Variants in DGKI observed in about 807,000 individuals in gnomAD.
DGKI encodes DAG kinase iota.
DGKI carries 55 observed loss-of-function variants against 147.5 expected under a neutral mutation model. That is an observed-to-expected ratio of 0.37 (90% CI 0.30 to 0.47). The LOEUF is 0.47. Among genes scored for constraint, DGKI ranks in the 20% least tolerant of loss-of-function variants. The pLI is 1.00. For missense variants in DGKI, 1,007 were observed against 1,323.8 expected, an observed-to-expected ratio of 0.76 and a Z score of 3.71; for synonymous variants, 469 against 477.1, an observed-to-expected ratio of 0.98 and a Z score of 0.22.
intron 1 of DGKI, among the ~76,000 whole-genome samples, chr7:137,827,071 C>G (rs564625389): frequency 6.6e-6 from 1 of 152,236 alleles, no homozygotes; most frequent in African/African-American, 2.4e-5. Context: ...GGTCCCCCTT[C>G]CTTCTTCATG....
chr7:137,842,197 G>A (rs935778272), intron 1 of DGKI, among the ~76,000 whole-genome samples: 1 of 152,124 alleles, frequency 6.6e-6, no homozygotes, highest in Admixed American at 6.5e-5. Flanking sequence ...TGATATTCAG[G>A]AGAAAAGTTC....
chr7:137,660,110 G>T (rs554206796), intron 3 of DGKI, among the ~76,000 whole-genome samples: 4 of 152,240 alleles, frequency 2.6e-5, no homozygotes, highest in Non-Finnish European at 5.9e-5. Flanking sequence ...AAGGCCAGTT[G>T]AGCTTACTGC....
At chr7:137,811,364 CCT>C (rs879359264) in intron 1 of DGKI, among the ~76,000 whole-genome samples, 160 of 137,800 alleles carry the variant, frequency 1.2e-3, no homozygotes, top group East Asian at 2.1e-3. Context: ...TCTCTCTCTC[CCT>C]CTCTCTCTCT....
At chr7:137,707,819 G>C (rs1456536638) in intron 1 of DGKI, among the ~76,000 whole-genome samples, 1 of 152,188 alleles carries the variant, frequency 6.6e-6, no homozygotes, top group East Asian at 1.9e-4. Flanking sequence ...AGCAAAGTGA[G>C]AACAGACTAA....
At chr7:137,828,060 C>T (rs1264561012) in intron 1 of DGKI, among the ~76,000 whole-genome samples, 7 of 152,184 alleles carry the variant, frequency 4.6e-5, no homozygotes, top group Non-Finnish European at 7.3e-5. Flanking sequence ...GCTGACCGCC[C>T]GCTCTCTTTG....
chr7:137,434,545 C>A (rs2128912934), intron 28 of DGKI, among the ~76,000 whole-genome samples: 1 of 152,316 alleles, frequency 6.6e-6, no homozygotes, highest in South Asian at 2.1e-4. Context: ...TGTGCCACTG[C>A]ACTCCAGCCT....
intron 1 of DGKI, among the ~76,000 whole-genome samples, chr7:137,691,567 G>C (rs992813898): frequency 3.9e-5 from 6 of 152,262 alleles, no homozygotes; most frequent in African/African-American, 1.4e-4. Flanking sequence ...GAAGGAATAG[G>C]AACAGAATTT....
chr7:137,381,312 C>T lies in DGKI; in HGVS notation c.*9908G>A, dbSNP rs1291548740. 1 of 126,790 alleles carries T rather than the reference C, an allele frequency of 7.9e-6. No homozygotes were observed. Among genetic ancestry groups the T allele is most frequent in the Non-Finnish European group, 1.7e-5 (1 of 60,216 alleles). The allele number at this position is 126,790 out of a possible 1,614,324, so 7.9% of individuals were successfully genotyped here. A position where few individuals can be genotyped will look rare whatever the true frequency, so the allele number is the denominator to read the frequency against. ...CACCCCCCCCCCCCCACCCACCCTC[C>T]CTCCACTTCGTATTATCTGAATCCT... On this transcript the variant is annotated 3_prime_UTR_variant, in exon 33 of 33. Coordinates refer to ENST00000614521, the MANE Select transcript of DGKI (RefSeq NM_001321708.2).
At chr7:137,412,805 T>C (rs1474261842) in intron 28 of DGKI, among the ~76,000 whole-genome samples, 1 of 152,210 alleles carries the variant, frequency 6.6e-6, no homozygotes, top group African/African-American at 2.4e-5. Flanking sequence ...TCTATTTTAA[T>C]TGTGTGCTTG....
chr7:137,492,102 A>G (rs976901283), intron 21 of DGKI, among the ~76,000 whole-genome samples: 1 of 152,220 alleles, frequency 6.6e-6, no homozygotes, highest in Admixed American at 6.5e-5. Flanking sequence ...CATTCCCAAG[A>G]AACAGTTCAC....
chr7:137,677,970 T>G (rs191900121), intron 3 of DGKI, among the ~76,000 whole-genome samples: 1 of 152,336 alleles, frequency 6.6e-6, no homozygotes, highest in East Asian at 1.9e-4. Flanking sequence ...ACCCTCTAAA[T>G]AGATTGTTCT....
intron 6 of DGKI, among the ~76,000 whole-genome samples, chr7:137,645,134 T>C (rs917045359): frequency 1.3e-5 from 2 of 152,234 alleles, no homozygotes; most frequent in Admixed American, 6.5e-5. Context: ...CTCAAACCCA[T>C]TGATTTGCTG....
At chr7:137,722,526 C>T in intron 1 of DGKI, 1 of 1,608,780 alleles carries the variant, frequency 6.2e-7, no homozygotes, top group Admixed American at 1.7e-5. Flanking sequence ...GACCTCTGGT[C>T]CTCAATCGAG....
chr7:137,809,568 T>C (rs1186760234), intron 1 of DGKI, among the ~76,000 whole-genome samples: 1 of 152,184 alleles, frequency 6.6e-6, no homozygotes, highest in Non-Finnish European at 1.5e-5. Flanking sequence ...TATGCGTAAG[T>C]TTAGAGAAAG....
At chr7:137,632,339 G>A (rs1821149663) in intron 6 of DGKI, among the ~76,000 whole-genome samples, 1 of 152,200 alleles carries the variant, frequency 6.6e-6, no homozygotes, top group African/African-American at 2.4e-5. Context: ...GATTGAAGGA[G>A]AGGGTAAGTC....
intron 1 of DGKI, among the ~76,000 whole-genome samples, chr7:137,830,254 C>T (rs1364156443): frequency 6.6e-6 from 1 of 152,176 alleles, no homozygotes; most frequent in Non-Finnish European, 1.5e-5. Context: ...TATCCACAAC[C>T]AACAGCCACA....
intron 1 of DGKI, among the ~76,000 whole-genome samples, chr7:137,837,997 C>CTTTTT (rs777963342): frequency 5.5e-5 from 6 of 109,826 alleles, no homozygotes; most frequent in Non-Finnish European, 1.1e-4. Flanking sequence ...AAGGGAGAAA[C>CTTTTT]TTTTTTTTTT....
chr7:137,846,522 T>C lies in DGKI; in HGVS notation c.341A>G (p.Lys114Arg). The C allele has an allele frequency of 1.3e-6, 2 of 1,573,582 alleles. No individual in the cohort carries two copies. The highest frequency in any genetic ancestry group is 8.6e-7 in the Non-Finnish European group (1 of 1,163,158). ...CAGCTTCTCCTCCAGCGCTTCGTCC[T>C]TCTCCTTCTGGCCGGCGGCCGCGGG... is the stretch of plus-strand genomic sequence containing the variant. ...DEPAAAGQKE[K>R]DEALEEKLRN... The change falls in exon 1 of 33, where the codon AAG becomes AGG. Residue 114 changes from lysine (K) to arginine (R), a missense_variant. Coordinates refer to ENST00000614521, the MANE Select transcript of DGKI (RefSeq NM_001321708.2). This position sits in a 1 kb window ranked among gnomAD's most constrained non-coding sequence, Gnocchi z 4.0.
chr7:137,645,180 T>TGAA (rs1215158637), intron 6 of DGKI, among the ~76,000 whole-genome samples: 1 of 152,266 alleles, frequency 6.6e-6, no homozygotes, highest in Middle Eastern at 3.2e-3. Flanking sequence ...GTTGTCTTCA[T>TGAA]GAAGGCATTT....
Sources: gnomAD v4.1 joint callset for allele counts (sites outside exome capture counted in the v4.1 genomes callset) on GRCh38, gnomAD v4.1.1 for gene constraint, Gnocchi (gnomAD v3.1) non-coding constraint, MANE v1.5 for transcripts, NCBI Gene and HGNC (gene_info 2026-07-23, HGNC 2026-07-21) for gene names.